The following PTPRD variants were observed in gnomAD, a reference collection of about 807,000 sequenced individuals.
PTPRD encodes the protein receptor-type tyrosine-protein phosphatase delta.
A neutral mutation model predicts 214.5 loss-of-function variants in PTPRD; 34 were observed. That is an observed-to-expected ratio of 0.16 (90% CI 0.12 to 0.21). The LOEUF (loss-of-function observed/expected upper bound fraction) is 0.21. Among genes scored for constraint, PTPRD ranks in the 10% least tolerant of loss-of-function variants. PTPRD has a pLI of 1.00. For synonymous variants in PTPRD, 1,128 were observed against 845.7 expected, an observed-to-expected ratio of 1.33 and a Z score of -5.79; for missense variants, 2,545 against 2,398.7, an observed-to-expected ratio of 1.06 and a Z score of -1.27.
At chr9:8,565,346 G>A (rs950188759) in intron 14 of PTPRD, among the ~76,000 whole-genome samples, 4 of 152,118 alleles carry the variant, frequency 2.6e-5, no homozygotes, top group African/African-American at 7.2e-5. Context: ...CTGCTTTCAT[G>A]TGAGAACCAT....
At chr9:8,974,152 G>A (rs2099255098) in intron 11 of PTPRD, among the ~76,000 whole-genome samples, 1 of 152,082 alleles carries the variant, frequency 6.6e-6, no homozygotes, top group African/African-American at 2.4e-5. Context: ...TATTTCCTAG[G>A]TTTTCCTTTA....
chr9:9,530,935 CA>C (rs2075329281), intron 8 of PTPRD, among the ~76,000 whole-genome samples: 1 of 152,056 alleles, frequency 6.6e-6, no homozygotes, highest in African/African-American at 2.4e-5. Flanking sequence ...TGAGTACAAA[CA>C]TACAGTTAGA....
chr9:8,879,504 C>T (rs2098424001), intron 11 of PTPRD, among the ~76,000 whole-genome samples: 1 of 152,110 alleles, frequency 6.6e-6, no homozygotes, highest in African/African-American at 2.4e-5. Flanking sequence ...AGATCGCTGG[C>T]CCATTATCAT....
intron 5 of PTPRD, among the ~76,000 whole-genome samples, chr9:9,843,215 C>G (rs906523218): frequency 1.3e-5 from 2 of 151,966 alleles, no homozygotes; most frequent in Admixed American, 6.6e-5. Flanking sequence ...TCTAAAGAGA[C>G]AAGAATTCAG....
intron 8 of PTPRD, among the ~76,000 whole-genome samples, chr9:9,520,308 T>C (rs1028894215): frequency 2.4e-5 from 3 of 125,534 alleles, no homozygotes; most frequent in Non-Finnish European, 5.5e-5. Context: ...TATTAAGTTA[T>C]ATATATATAA....
rs144110620 is a variant in PTPRD at position 9,067,970 on chromosome 9, C to A, written c.-142-49235G>T. Among the ~76,000 whole-genome samples, 77 of 152,316 alleles carry A rather than the reference C, an allele frequency of 5.1e-4. No homozygotes were observed. The East Asian group carries it at 0.014, about 27-fold the overall frequency. The stretch of plus-strand genomic sequence containing the variant: ...CATGTTGTCCTTTTAACCACATTCA[C>A]TTTTCTCTTCCCCACCTCTCCCGGC... On this transcript the variant is annotated intron_variant, in intron 10 of 45. Coordinates refer to ENST00000381196, the MANE Select transcript of PTPRD (RefSeq NM_002839.4).
intron 3 of PTPRD, among the ~76,000 whole-genome samples, chr9:10,267,176 G>A (rs578081014): frequency 4.2e-5 from 6 of 142,874 alleles, no homozygotes; most frequent in Non-Finnish European, 6.0e-5. Context: ...GGGCGACAGA[G>A]TGAGACTCCG....
intron 11 of PTPRD, among the ~76,000 whole-genome samples, chr9:8,771,514 C>T (rs572090895): frequency 2.1e-4 from 32 of 152,204 alleles, no homozygotes; most frequent in Admixed American, 4.6e-4. Context: ...TAGTGACACA[C>T]GGACTTTAAA....
intron 8 of PTPRD, among the ~76,000 whole-genome samples, chr9:9,476,447 T>C (rs2095049251): frequency 6.6e-6 from 1 of 152,154 alleles, no homozygotes. Flanking sequence ...GGACAATGAA[T>C]AGTGATGTGT....
At chr9:9,297,607 A>G (rs1159008949) in intron 9 of PTPRD, among the ~76,000 whole-genome samples, 1 of 151,742 alleles carries the variant, frequency 6.6e-6, no homozygotes, top group African/African-American at 2.4e-5. Context: ...TCCCAGAAAT[A>G]TAATTTTTAG....
chr9:10,494,297 T>C (rs1038316072), intron 2 of PTPRD, among the ~76,000 whole-genome samples: 2 of 151,912 alleles, frequency 1.3e-5, no homozygotes, highest in Admixed American at 6.6e-5. Flanking sequence ...ATTCTCTGAT[T>C]ACATGCATTT....
At chr9:9,076,274 G>C (rs1454384054) in intron 10 of PTPRD, among the ~76,000 whole-genome samples, 10 of 152,022 alleles carry the variant, frequency 6.6e-5, no homozygotes, top group African/African-American at 2.2e-4. Flanking sequence ...TAAGTTCTTT[G>C]TAGATTCTGG....
chr9:10,536,692 G>A (rs962802804), intron 2 of PTPRD, among the ~76,000 whole-genome samples: 5 of 152,032 alleles, frequency 3.3e-5, no homozygotes, highest in African/African-American at 1.2e-4. Context: ...AACACAGAAT[G>A]CATTGCTTGT....
chr9:8,481,592 C>T (rs1342056906), intron 30 of PTPRD, among the ~76,000 whole-genome samples: 1 of 152,114 alleles, frequency 6.6e-6, no homozygotes, highest in African/African-American at 2.4e-5. Flanking sequence ...TGCTCTGGCT[C>T]AGTTCTCCTG....
At position 8,521,306 on chromosome 9, in the gene PTPRD, A is replaced by G. The variant is rs776820755; in HGVS notation, c.932T>C (p.Ile311Thr). Residue 311 changes from isoleucine (I) to threonine (T), a missense_variant, in exon 20 of 46, where the codon ATT becomes ACT. Physicochemically the swap from Ile to Thr is moderately conservative, Grantham distance 89. Transcript: ENST00000381196. ...GACAGTGATCTGTGCTATTGCTTCA[A>G]TGACACCCAGTGTTGACATAGCAAC... ...TCVAMSTLGV[I>T]EAIAQITVKA... 14 of 1,613,816 alleles carry G rather than the reference A, an allele frequency of 8.7e-6. No individual in the cohort carries two copies. The Admixed American group carries it at 1.0e-4, about 12-fold the overall frequency.
intron 3 of PTPRD, among the ~76,000 whole-genome samples, chr9:10,134,008 T>C (rs1350082053): frequency 6.6e-6 from 1 of 152,100 alleles, no homozygotes; most frequent in Non-Finnish European, 1.5e-5. Flanking sequence ...ATGGGAATAT[T>C]TTGTTGAGGG....
chr9:10,505,459 T>C lies in PTPRD; in HGVS notation c.-600+106939A>G, dbSNP rs148890205. On this transcript the variant is annotated intron_variant, in intron 2 of 45. Coordinates refer to ENST00000381196, the MANE Select transcript of PTPRD (RefSeq NM_002839.4). ...CAATTGTGTTCTCAAAGAATAGACATATCAGCCACTGAGTCAAACAGCTAC... is the reference window on the plus strand; with the variant it reads ...CAATTGTGTTCTCAAAGAATAGACACATCAGCCACTGAGTCAAACAGCTAC... Among the ~76,000 whole-genome samples the C allele has an allele frequency of 3.3e-5, 5 of 152,290 alleles. No homozygotes were observed. The East Asian group carries it at 5.8e-4, about 18-fold the overall frequency.
At chr9:8,582,257 A>G (rs1276599588) in intron 14 of PTPRD, among the ~76,000 whole-genome samples, 1 of 152,214 alleles carries the variant, frequency 6.6e-6, no homozygotes, top group African/African-American at 2.4e-5. Flanking sequence ...GCCACTTTAC[A>G]ACAAACAGAA....
intron 39 of PTPRD, among the ~76,000 whole-genome samples, chr9:8,352,643 T>TATTA (rs2075831633): frequency 6.6e-6 from 1 of 152,098 alleles, no homozygotes; most frequent in Non-Finnish European, 1.5e-5. Flanking sequence ...ATATAAATGC[T>TATTA]ATTACTCCTG....
Sources: allele counts gnomAD v4.1 joint callset (sites outside exome capture counted in the v4.1 genomes callset), GRCh38; gene constraint gnomAD v4.1.1; transcripts MANE v1.5; gene names NCBI Gene and HGNC (gene_info 2026-07-23, HGNC 2026-07-21).